Variants in POGLUT2 observed in about 807,000 individuals in gnomAD.
POGLUT2 encodes the protein protein O-glucosyltransferase 2.
POGLUT2 carries 47 observed loss-of-function variants against 57.6 expected under a neutral mutation model. That is an observed-to-expected ratio of 0.82 (90% confidence interval 0.65 to 1.04). The LOEUF is 1.04. Among genes scored for constraint, POGLUT2 ranks in the 50% least tolerant of loss-of-function variants. The probability of loss-of-function intolerance (pLI) is 0.00; values close to 1 mark genes in which losing one functional copy is unlikely to be tolerated. For synonymous variants in POGLUT2, 200 were observed against 218.8 expected (o/e 0.91, Z 0.76); for missense variants, 565 against 614.8 (o/e 0.92, Z 0.86).
Position 102,787,836 on chromosome 13 carries a change from G to T in POGLUT2, c.1381C>A (p.Gln461Lys). 2 of 1,537,236 alleles carry T rather than the reference G, an allele frequency of 1.3e-6. No individual in the cohort carries two copies. The highest frequency in any genetic ancestry group is 1.8e-6 in the Non-Finnish European group (2 of 1,126,180). Residue 461 changes from glutamine to lysine, a missense_variant and splice_region_variant, in exon 8 of 10, where the codon CAG becomes AAG. Transcript: ENST00000376004. ...TGATTTTCTTGGAAAATACTGACCT[G>T]GAAAAGTTTGAAATAATAACAGAAT... Reference protein sequence around the residue: ...DIFCYYFKLFQEYANLQVSEP... With the variant: ...DIFCYYFKLFKEYANLQVSEP...
chr13:102,793,552 C>T (rs1193690484), intron 3 of POGLUT2, 49 bp downstream of exon 3: 1 of 1,532,736 alleles, frequency 6.5e-7, no homozygotes, highest in South Asian at 1.1e-5. Context: ...ATGTTCAAAA[C>T]AAGAAAAAAA....
intron 9 of POGLUT2, 100 bp from the exon 10 acceptor site, chr13:102,784,612 G>C (rs1877860952): frequency 2.7e-6 from 2 of 746,064 alleles, no homozygotes; most frequent in East Asian, 5.1e-5. Flanking sequence ...ATGAGAGGGA[G>C]CCAAGCTGCT....
In POGLUT2 at chr13:102,784,392, C is replaced by T. The variant is rs1218668537; in HGVS notation, c.*103G>A. 2.8e-6 allele frequency: 2 copies of T among 710,460 alleles called. No homozygotes were observed. Among genetic ancestry groups the T allele is most frequent in the African/African-American group, 1.8e-5 (1 of 55,148 alleles). 44.0% of individuals were successfully genotyped at this position (710,460 alleles called of 1,614,324 possible). On this transcript the variant is annotated 3_prime_UTR_variant, in exon 10 of 10. Coordinates refer to ENST00000376004, the MANE Select transcript of POGLUT2 (RefSeq NM_024089.3). ...TGTCTTCATACTGCAAACAATCACACAGATTTTATATTGTCCATGGAATTA... is the reference window on the plus strand; with the variant it reads ...TGTCTTCATACTGCAAACAATCACATAGATTTTATATTGTCCATGGAATTA...
chr13:102,786,926 T>C (rs1055700865), intron 8 of POGLUT2, among the ~76,000 whole-genome samples: 1 of 152,170 alleles, frequency 6.6e-6, no homozygotes, highest in African/African-American at 2.4e-5. Context: ...AACTTTGATC[T>C]GTAGCAGAGC....
chr13:102,797,388 AT>A (rs1878451020), intron 1 of POGLUT2, among the ~76,000 whole-genome samples: 2 of 152,198 alleles, frequency 1.3e-5, no homozygotes, highest in African/African-American at 4.8e-5. Context: ...TAATGATCTT[AT>A]TTTGAAAAAT....
intron 6 of POGLUT2, among the ~76,000 whole-genome samples, chr13:102,789,696 C>A (rs1236092752): frequency 6.6e-6 from 1 of 152,200 alleles, no homozygotes; most frequent in African/African-American, 2.4e-5. Flanking sequence ...CTCCTGGGAT[C>A]AAGTGATTCT....
At chr13:102,790,524 A>C (rs1394556061) in intron 6 of POGLUT2, among the ~76,000 whole-genome samples, 1 of 152,254 alleles carries the variant, frequency 6.6e-6, no homozygotes, top group African/African-American at 2.4e-5. Flanking sequence ...GTAAGAAACA[A>C]GTAGTTTATA....
chr13:102,797,063 A>C (rs1203031511), intron 1 of POGLUT2, 54 bp from the exon 2 acceptor site: 3 of 1,255,118 alleles, frequency 2.4e-6, no homozygotes, highest in Non-Finnish European at 3.5e-6. Context: ...ACAAACACAC[A>C]AAGGTTATGC....
At chr13:102,790,872 A>G (rs759591974) in intron 6 of POGLUT2, 29 bp downstream of exon 6, 1 of 1,432,156 alleles carries the variant, frequency 7.0e-7, no homozygotes, top group East Asian at 2.3e-5. Flanking sequence ...TAGAAAAACA[A>G]AAAAGATTAG....
chr13:102,785,451 T>TACACACAC (rs56102018), intron 9 of POGLUT2, among the ~76,000 whole-genome samples: 17 of 148,592 alleles, frequency 1.1e-4, no homozygotes, highest in African/African-American at 4.2e-4. Context: ...CAGCATATGT[T>TACACACAC]ACACACACAC....
At chr13:102,789,279 T>C (rs918240002) in intron 6 of POGLUT2, 58 bp from the exon 7 acceptor site, 3 of 1,399,448 alleles carry the variant, frequency 2.1e-6, no homozygotes, top group South Asian at 2.3e-5. Flanking sequence ...CTCCACTCTA[T>C]TCTCCTTCCC....
Position 102,798,373 on chromosome 13 carries a change from A to C in POGLUT2, c.182+116T>G, listed in dbSNP as rs561075093. 29 of 941,530 alleles carry C rather than the reference A, an allele frequency of 3.1e-5. No individual in the cohort carries two copies. The East Asian group carries it at 4.4e-4, about 14-fold the overall frequency. 58.3% of individuals were successfully genotyped at this position (941,530 alleles called of 1,614,324 possible). On this transcript the variant is annotated intron_variant, in intron 1 of 9. Coordinates refer to ENST00000376004, the MANE Select transcript of POGLUT2 (RefSeq NM_024089.3). ...AGCTACAGAGAAAAATGGGTAACCAAATATCCTGGAATATAAACTGCTGTG... is the reference window on the plus strand; with the variant it reads ...AGCTACAGAGAAAAATGGGTAACCACATATCCTGGAATATAAACTGCTGTG...
At position 102,796,904 on chromosome 13, in the gene POGLUT2, G is replaced by A. The variant is rs116616580; in HGVS notation, c.288C>T (p.Ser96=). The A allele has an allele frequency of 6.2e-7, 1 of 1,610,688 alleles. No homozygotes were observed. The highest frequency in any genetic ancestry group is 1.1e-5 in the South Asian group (1 of 90,990). ...GVQVLDRKDG[S]FIVRYRMYAS... ...CATACATTCTGTATCTTACTATGAA[G>A]GACCCATCTTTTCGGTCTAAAACCT... is the stretch of plus-strand genomic sequence containing the variant. Residue 96 remains serine, a synonymous_variant, in exon 2 of 10, where the codon TCC becomes TCT. Transcript: ENST00000376004.
chr13:102,785,950 A>G (rs986811467), intron 9 of POGLUT2, among the ~76,000 whole-genome samples: 14 of 152,250 alleles, frequency 9.2e-5, no homozygotes, highest in African/African-American at 3.4e-4. Context: ...TCAGACTGTA[A>G]GCATCCATTC....
At chr13:102,786,166 T>G in intron 9 of POGLUT2, 66 bp downstream of exon 9, 1 of 1,057,596 alleles carries the variant, frequency 9.5e-7, no homozygotes, top group Non-Finnish European at 1.5e-6. Flanking sequence ...ACTATAGGAA[T>G]AAAAGCAAGT....
At chr13:102,787,957 G>T (rs191728466) in intron 7 of POGLUT2, 34 bp from the exon 8 acceptor site, 11 of 1,405,742 alleles carry the variant, frequency 7.8e-6, no homozygotes, top group Non-Finnish European at 1.1e-5. Context: ...TCCTGTAATA[G>T]AATCCATTTT....
At chr13:102,797,127 A>T in intron 1 of POGLUT2, 118 bp from the exon 2 acceptor site, 1 of 655,118 alleles carries the variant, frequency 1.5e-6, no homozygotes. Context: ...CTAACATATG[A>T]TTGCTTCTTC....
chr13:102,790,424 G>A (rs947323575), intron 6 of POGLUT2, among the ~76,000 whole-genome samples: 1 of 152,120 alleles, frequency 6.6e-6, no homozygotes, highest in Non-Finnish European at 1.5e-5. Context: ...GGAACCATGC[G>A]GAATCCACAT....
chr13:102,789,270 T>G (rs774934938), intron 6 of POGLUT2, 49 bp from the exon 7 acceptor site: 1 of 1,453,182 alleles, frequency 6.9e-7, no homozygotes, highest in East Asian at 2.3e-5. Flanking sequence ...TCTCCTTTTC[T>G]CCACTCTATT....
Sources: gnomAD v4.1 joint callset for allele counts (sites outside exome capture counted in the v4.1 genomes callset) on GRCh38, gnomAD v4.1.1 for gene constraint, MANE v1.5 for transcripts, NCBI Gene and HGNC (gene_info 2026-07-23, HGNC 2026-07-21) for gene names.